The following CCDC50 variants were observed in gnomAD, a reference collection of about 807,000 sequenced individuals.
CCDC50 encodes coiled-coil domain containing 50, also known as coiled-coil domain-containing protein 50.
In CCDC50, 54 loss-of-function variants were observed where a neutral mutation model predicts 70.2. The observed-to-expected ratio is 0.77, with a 90% CI of 0.62 to 0.96. CCDC50 has a LOEUF of 0.96. CCDC50 is among the 50% of genes least tolerant of loss of function. The probability of loss-of-function intolerance (pLI) is 0.00; values close to 1 mark genes in which losing one functional copy is unlikely to be tolerated. For missense variants in CCDC50, 558 were observed against 578.7 expected (o/e 0.96, Z 0.37); for synonymous variants, 216 against 198.8 (o/e 1.09, Z -0.73).
chr3:191,364,583 C>T (rs1359718067), intron 4 of CCDC50, among the ~76,000 whole-genome samples: 1 of 144,992 alleles, frequency 6.9e-6, no homozygotes, highest in Admixed American at 6.7e-5. Context: ...TCTCTTGGAA[C>T]AGAGATTTTT....
At position 191,350,112 on chromosome 3, in the gene CCDC50, A is replaced by G. The variant is rs934031538; in HGVS notation, c.50-6976A>G. Among the ~76,000 whole-genome samples the G allele has an allele frequency of 1.3e-4, 18 of 139,980 alleles. 2 individuals are homozygous for G. The highest frequency in any genetic ancestry group is 2.2e-4 in the Admixed American group (3 of 13,540). The allele number at this position is 139,980 out of a possible 152,430, so 91.8% of individuals were successfully genotyped here. A position where few individuals can be genotyped will look rare whatever the true frequency, so the allele number is the denominator to read the frequency against. ...ATTTCTCTTGAGCCTTAGTTTCCTC[A>G]TAAGTAAAATGGGGATGTTGATAAA... On this transcript the variant is annotated intron_variant, in intron 1 of 11. Coordinates refer to ENST00000392455, the MANE Select transcript of CCDC50 (RefSeq NM_178335.3).
chr3:191,330,326 C>CACACACACAG lies in CCDC50; in HGVS notation c.49+606_49+607insCACACAGACA, dbSNP rs550009593. 3.3e-3 allele frequency: 486 copies of CACACACACAG among 147,776 alleles called. 1 individual carries two copies. The highest frequency in any genetic ancestry group is 0.016 in the East Asian group (78 of 4,970). The allele number at this position is 147,776 out of a possible 1,614,324, so 9.2% of individuals were successfully genotyped here. ...ACACACACACACACACACACACACA[C>CACACACACAG]ACAATAGTGAGCGAGGGGAACAGGG... On this transcript the variant is annotated intron_variant, in intron 1 of 11. Transcript: ENST00000392455.
chr3:191,362,171 A>G (rs1203576474), intron 4 of CCDC50, among the ~76,000 whole-genome samples: 1 of 152,130 alleles, frequency 6.6e-6, no homozygotes, highest in Admixed American at 6.6e-5. Flanking sequence ...TCCATCACCC[A>G]GGGTGGAGTG....
intron 1 of CCDC50, among the ~76,000 whole-genome samples, chr3:191,342,462 A>G (rs1711766137): frequency 1.3e-5 from 2 of 152,194 alleles, no homozygotes; most frequent in South Asian, 4.1e-4. Context: ...TCAAAGGATA[A>G]ATAGAACTTG....
At chr3:191,365,481 GCTT>G (rs1712653020) in intron 4 of CCDC50, among the ~76,000 whole-genome samples, 2 of 151,932 alleles carry the variant, frequency 1.3e-5, no homozygotes, top group African/African-American at 2.4e-5. Context: ...GAGATGGGAG[GCTT>G]CTTGTTGAAG....
chr3:191,350,680 A>C (rs79988865), intron 1 of CCDC50, among the ~76,000 whole-genome samples: 1,572 of 141,896 alleles, frequency 0.011, 165 homozygotes, highest in African/African-American at 0.038. Context: ...CCGTTCATGG[A>C]ATCAGAAAAT....
chr3:191,345,950 C>T (rs1352717563), intron 1 of CCDC50, among the ~76,000 whole-genome samples: 2 of 152,124 alleles, frequency 1.3e-5, no homozygotes, highest in Admixed American at 6.6e-5. Flanking sequence ...TTTTAAGTTG[C>T]CACGTGATAA....
rs1279515620 is a variant in CCDC50 at position 191,329,586 on chromosome 3, C to T, written c.-89C>T. The stretch of plus-strand genomic sequence containing the variant: ...TGCCGGCCGGACTTTGCGCCGCGTC[C>T]GGCGCTGCTGCTGCGCTCGGGGCCC... On this transcript the variant is annotated 5_prime_UTR_variant, in exon 1 of 12. Transcript: ENST00000392455. 5.0e-6 allele frequency: 7 copies of T among 1,400,748 alleles called. No homozygotes were observed. Among genetic ancestry groups the T allele is most frequent in the East Asian group, 2.7e-5 (1 of 37,130 alleles). 86.8% of individuals were successfully genotyped at this position (1,400,748 alleles called of 1,614,324 possible).
At chr3:191,388,800 G>A (rs1713585048) in intron 10 of CCDC50, among the ~76,000 whole-genome samples, 1 of 152,024 alleles carries the variant, frequency 6.6e-6, no homozygotes, top group Non-Finnish European at 1.5e-5. Context: ...ATCCTTTAGT[G>A]CAAACTTTGA....
chr3:191,383,479 A>G (rs566765036), intron 10 of CCDC50, among the ~76,000 whole-genome samples: 1 of 152,254 alleles, frequency 6.6e-6, no homozygotes, highest in Non-Finnish European at 1.5e-5. Context: ...GAATGTGAAG[A>G]AAAAGATACT....
rs964127476 is a variant in CCDC50, at chr3:191,393,796, G to T, written c.*2036G>T. On this transcript the variant is annotated 3_prime_UTR_variant, in exon 12 of 12. Coordinates refer to ENST00000392455, the MANE Select transcript of CCDC50 (RefSeq NM_178335.3). ...AAAGCTTAGGCCTTGTTTACTTATAGTAATGCTATATTTTTCTTTATCTGC... is the reference window on the plus strand; with the variant it reads ...AAAGCTTAGGCCTTGTTTACTTATATTAATGCTATATTTTTCTTTATCTGC... 1 of 152,062 alleles carries T rather than the reference G, an allele frequency of 6.6e-6. No individual in the cohort carries two copies. The highest frequency in any genetic ancestry group is 2.4e-5 in the African/African-American group (1 of 41,428). The allele number at this position is 152,062 out of a possible 1,614,324, so 9.4% of individuals were successfully genotyped here. A position where few individuals can be genotyped will look rare whatever the true frequency, so the allele number is the denominator to read the frequency against.
At chr3:191,381,013 C>A (rs969719377) in intron 9 of CCDC50, 81 bp downstream of exon 9, 1 of 1,051,712 alleles carries the variant, frequency 9.5e-7, no homozygotes, top group Non-Finnish European at 1.4e-6. Flanking sequence ...TTAAGCTCTG[C>A]AAATATATTT....
chr3:191,379,865 C>T (rs1713249922), intron 6 of CCDC50, among the ~76,000 whole-genome samples: 1 of 151,868 alleles, frequency 6.6e-6, no homozygotes. Flanking sequence ...TTTCCAGGGC[C>T]TCACTTGCAA....
chr3:191,395,083 A>G lies in CCDC50; in HGVS notation c.*3323A>G, dbSNP rs1172884501. 2 of 152,162 alleles carry G rather than the reference A, an allele frequency of 1.3e-5. No individual in the cohort carries two copies. Among genetic ancestry groups the G allele is most frequent in the Non-Finnish European group, 2.9e-5 (2 of 68,014 alleles). 9.4% of individuals were successfully genotyped at this position (152,162 alleles called of 1,614,324 possible). On this transcript the variant is annotated 3_prime_UTR_variant, in exon 12 of 12. Transcript: ENST00000392455. ...CTTTTAGGAGGAAAACCTTTTTAGAATGGCAATGACCACTTGGATCTAGGT... is the reference window on the plus strand; with the variant it reads ...CTTTTAGGAGGAAAACCTTTTTAGAGTGGCAATGACCACTTGGATCTAGGT...
At chr3:191,360,934 T>A in intron 3 of CCDC50, 135 bp from the exon 4 acceptor site, 1 of 665,092 alleles carries the variant, frequency 1.5e-6, no homozygotes, top group Non-Finnish European at 2.7e-6. Context: ...CCTCTTTGCA[T>A]CTTTATCTTG....
Position 191,389,564 on chromosome 3 carries a change from C to A in CCDC50, c.1391C>A (p.Ser464Tyr). ...ACTCATTTTACAAACCAGCAGAGTT[C>A]CACACGGCATTTCTCAAAATCAGAG... ...DYTHFTNQQS[S>Y]TRHFSKSESS... The change falls in exon 11 of 12, where the codon TCC (serine) becomes TAC (tyrosine). Residue 464 changes from serine to tyrosine, a missense_variant. Coordinates refer to ENST00000392455, the MANE Select transcript of CCDC50 (RefSeq NM_178335.3). 1 of 1,613,992 alleles carries A rather than the reference C, an allele frequency of 6.2e-7. No individual in the cohort carries two copies.
In CCDC50 at chr3:191,329,954, G is replaced by A. The variant is rs115986233; in HGVS notation, c.49+231G>A. 0.17 allele frequency among the ~76,000 whole-genome samples: 23,143 copies of A among 138,092 alleles called. 2,594 individuals are homozygous for A. Among genetic ancestry groups the A allele is most frequent in the East Asian group, 0.48 (2,094 of 4,324 alleles). The allele number at this position is 138,092 out of a possible 152,430, so 90.6% of individuals were successfully genotyped here. On this transcript the variant is annotated intron_variant, in intron 1 of 11. Coordinates refer to ENST00000392455, the MANE Select transcript of CCDC50 (RefSeq NM_178335.3). The stretch of plus-strand genomic sequence containing the variant: ...TCAAGGGGGTGGTTGGGGGGGGGGG[G>A]GGCTAGCAGCAGCCCCAGCAAGTAG...
At chr3:191,376,971 A>G (rs1713137648) in intron 6 of CCDC50, among the ~76,000 whole-genome samples, 2 of 152,120 alleles carry the variant, frequency 1.3e-5, no homozygotes, top group Non-Finnish European at 2.9e-5. Context: ...TATGGCTTTT[A>G]GTTATGCTCC....
chr3:191,379,972 A>G (rs1357955535), intron 6 of CCDC50, among the ~76,000 whole-genome samples, 187 bp from the exon 7 acceptor site: 1 of 152,088 alleles, frequency 6.6e-6, no homozygotes, highest in Non-Finnish European at 1.5e-5. Context: ...TGTATGCATT[A>G]TCTACATTGC....
Sources: allele counts gnomAD v4.1 joint callset (sites outside exome capture counted in the v4.1 genomes callset), GRCh38; gene constraint gnomAD v4.1.1; transcripts MANE v1.5; gene names NCBI Gene and HGNC (gene_info 2026-07-23, HGNC 2026-07-21).